The following OPRM1 variants were observed in gnomAD, a reference collection of about 807,000 sequenced individuals.
The protein encoded by OPRM1 is opioid receptor mu 1.
Under a neutral mutation model 31.8 loss-of-function variants are expected in OPRM1, and 27 were observed. The observed-to-expected ratio is 0.85, with a 90% CI of 0.63 to 1.17. The LOEUF (loss-of-function observed/expected upper bound fraction) is 1.17. Ranked by LOEUF, OPRM1 falls within the 50% of genes most tolerant of loss-of-function variation. OPRM1 has a pLI of 0.00. For missense variants in OPRM1, 536 were observed against 511.1 expected, an observed-to-expected ratio of 1.05 and a Z score of -0.47; for synonymous variants, 196 against 189.9, an observed-to-expected ratio of 1.03 and a Z score of -0.26.
chr6:154,056,127 T>C (rs2128424441), intron 1 of OPRM1, among the ~76,000 whole-genome samples: 1 of 147,136 alleles, frequency 6.8e-6, no homozygotes, highest in South Asian at 2.1e-4. Flanking sequence ...TTCTTTTTTC[T>C]TTTTCTTTTT....
chr6:154,094,445 G>A (rs1792994444), intron 3 of OPRM1: 3 of 367,166 alleles, frequency 8.2e-6, no homozygotes, highest in Admixed American at 3.4e-5. Context: ...GTGGCTAGAA[G>A]CAACCATTTA....
rs1325176077 is a variant in OPRM1 at position 154,126,368 on chromosome 6, A to G, written c.*7647A>G. Among the ~76,000 whole-genome samples the G allele has an allele frequency of 6.6e-6, 1 of 152,214 alleles. No individual in the cohort carries two copies. Among genetic ancestry groups the G allele is most frequent in the African/African-American group, 2.4e-5 (1 of 41,444 alleles). On this transcript the variant is annotated 3_prime_UTR_variant, in exon 4 of 4. Coordinates refer to ENST00000330432, the MANE Select transcript of OPRM1 (RefSeq NM_000914.5). The stretch of plus-strand genomic sequence containing the variant: ...AGAGGAGACTACATTTGTGTGACCT[A>G]ATGGTTGTGATTTCACTGTCCAAGA...
intron 3 of OPRM1, among the ~76,000 whole-genome samples, chr6:154,144,235 A>G (rs921205439): frequency 2.0e-5 from 3 of 152,202 alleles, no homozygotes; most frequent in Non-Finnish European, 4.4e-5. Flanking sequence ...GACTTCTACT[A>G]AACGTTTAAA....
At chr6:154,195,957 A>T (rs1426919718) in intron 3 of OPRM1, among the ~76,000 whole-genome samples, 1 of 151,702 alleles carries the variant, frequency 6.6e-6, no homozygotes, top group Non-Finnish European at 1.5e-5. Context: ...ATACCTGGCT[A>T]ATTTTTGTAT....
chr6:154,010,512 A>G, exon 1 of OPRM1: 1 of 1,542,790 alleles, frequency 6.5e-7, no homozygotes, highest in Non-Finnish European at 8.8e-7. Flanking sequence ...CTGTAAAGAA[A>G]ATGATGAGGG....
intron 3 of OPRM1, among the ~76,000 whole-genome samples, chr6:154,093,707 C>T (rs949568694): frequency 8.0e-4 from 122 of 152,142 alleles, no homozygotes; most frequent in African/African-American, 2.7e-3. Context: ...TCCCAAAATG[C>T]CCAACTGAGA....
At chr6:154,105,000 G>A (rs1185598210) in intron 3 of OPRM1, among the ~76,000 whole-genome samples, 2 of 152,168 alleles carry the variant, frequency 1.3e-5, no homozygotes, top group Non-Finnish European at 2.9e-5. Flanking sequence ...AAGGTATGAG[G>A]CCAGTTCCCC....
chr6:154,103,310 C>A (rs1400547874), intron 3 of OPRM1, among the ~76,000 whole-genome samples: 3 of 152,112 alleles, frequency 2.0e-5, no homozygotes, highest in African/African-American at 7.2e-5. Context: ...GTTTTTAGAA[C>A]CTGGATTAAA....
chr6:154,149,622 G>A (rs765906480), intron 3 of OPRM1, among the ~76,000 whole-genome samples: 4 of 149,814 alleles, frequency 2.7e-5, no homozygotes, highest in Non-Finnish European at 4.4e-5. Context: ...GTGTGTGTGC[G>A]CGCGTGTGTG....
rs1182436410 is a variant in OPRM1, at chr6:154,120,312, GA to G, written c.*1593del. Among the ~76,000 whole-genome samples, 2 of 152,024 alleles carry G rather than the reference GA, an allele frequency of 1.3e-5. No individual in the cohort carries two copies. The highest frequency in any genetic ancestry group is 4.8e-5 in the African/African-American group (2 of 41,402). On this transcript the variant is annotated 3_prime_UTR_variant, in exon 4 of 4. Coordinates refer to ENST00000330432, the MANE Select transcript of OPRM1 (RefSeq NM_000914.5). Reference sequence around the variant, plus strand: ...ACAGCTATCATGGATCAGAATAACTGAATTTACTCTCAGATCTATTGGCTAT... The same window carrying G: ...ACAGCTATCATGGATCAGAATAACTGATTTACTCTCAGATCTATTGGCTAT...
chr6:154,111,852 G>A (rs1041544069), intron 3 of OPRM1, among the ~76,000 whole-genome samples: 2 of 151,962 alleles, frequency 1.3e-5, no homozygotes, highest in African/African-American at 4.8e-5. Flanking sequence ...TGCAAGCTCC[G>A]CCTCCCGAGT....
rs900504803 is a variant in OPRM1, at chr6:154,178,338, A to G, written c.1165-68355A>G. Among the ~76,000 whole-genome samples, 6 of 152,196 alleles carry G rather than the reference A, an allele frequency of 3.9e-5. No individual in the cohort carries two copies. In the East Asian group the frequency reaches 1.2e-3, roughly 29 times the overall value. Reference sequence around the variant, plus strand: ...ACATATCTGATTCAATAGATATTAAATCAGTAAAGATAAAAATAACTTTAG... The same window carrying G: ...ACATATCTGATTCAATAGATATTAAGTCAGTAAAGATAAAAATAACTTTAG... On this transcript the variant is annotated intron_variant, in intron 3 of 3. Transcript: ENST00000337049.
chr6:154,230,283 G>C (rs187217332), intron 3 of OPRM1, among the ~76,000 whole-genome samples: 10 of 152,246 alleles, frequency 6.6e-5, no homozygotes, highest in Admixed American at 6.5e-4. Context: ...CATGCAGATG[G>C]GGATATTGAT....
chr6:154,160,223 C>T (rs536235770), intron 3 of OPRM1, among the ~76,000 whole-genome samples: 6 of 152,276 alleles, frequency 3.9e-5, no homozygotes, highest in African/African-American at 1.4e-4. Flanking sequence ...ATACGCTAGC[C>T]GCAAAGAAGT....
intron 3 of OPRM1, among the ~76,000 whole-genome samples, chr6:154,162,809 CATT>C (rs1286495549): frequency 6.6e-6 from 1 of 152,188 alleles, no homozygotes; most frequent in African/African-American, 2.4e-5. Flanking sequence ...ACTCCATCAT[CATT>C]TGTCTAAACT....
chr6:154,081,719 T>C (rs144934360), intron 1 of OPRM1, among the ~76,000 whole-genome samples: 1 of 152,324 alleles, frequency 6.6e-6, no homozygotes, highest in East Asian at 1.9e-4. Flanking sequence ...GAAGAGTATT[T>C]CTGGGACCCA....
At chr6:154,214,779 A>C (rs1186911566) in intron 3 of OPRM1, among the ~76,000 whole-genome samples, 9 of 152,272 alleles carry the variant, frequency 5.9e-5, no homozygotes, top group Non-Finnish European at 1.2e-4. Context: ...GGTATTTTTA[A>C]ACTAGAACAA....
chr6:154,058,580 T>C (rs769824355), intron 1 of OPRM1, among the ~76,000 whole-genome samples: 7 of 152,206 alleles, frequency 4.6e-5, no homozygotes, highest in Non-Finnish European at 1.0e-4. Flanking sequence ...GAATGCTTAA[T>C]CTGGGCTCAT....
At chr6:154,145,204 C>A (rs2128539499) in intron 3 of OPRM1, among the ~76,000 whole-genome samples, 1 of 152,276 alleles carries the variant, frequency 6.6e-6, no homozygotes, top group South Asian at 2.1e-4. Context: ...CAACAAACTT[C>A]TGTTGGCAGA....
Sources: allele counts gnomAD v4.1 joint callset (sites outside exome capture counted in the v4.1 genomes callset), GRCh38; gene constraint gnomAD v4.1.1; transcripts MANE v1.5; gene names NCBI Gene and HGNC (gene_info 2026-07-23, HGNC 2026-07-21).